DLG2: variants seen among roughly 807,000 people sequenced by gnomAD.
DLG2 encodes the protein discs large MAGUK scaffold protein 2.
DLG2 carries 45 observed loss-of-function variants against 132.5 expected under a neutral mutation model. The ratio of observed to expected loss-of-function variants is 0.34; its 90% CI spans 0.27 to 0.44. DLG2 has a LOEUF of 0.44. DLG2 is among the 20% of genes least tolerant of loss of function. The pLI is 1.00. For missense variants in DLG2, 1,045 were observed against 1,196.9 expected, an observed-to-expected ratio of 0.87 and a Z score of 1.87; for synonymous variants, 424 against 419.6, an observed-to-expected ratio of 1.01 and a Z score of -0.13.
At chr11:83,618,380 G>A (rs1419114368) in intron 19 of DLG2, among the ~76,000 whole-genome samples, 1 of 152,104 alleles carries the variant, frequency 6.6e-6, no homozygotes, top group African/African-American at 2.4e-5. Flanking sequence ...CAATGACCTT[G>A]TTATGTTTTG....
At chr11:83,706,422 T>C (rs889034559) in intron 18 of DLG2, among the ~76,000 whole-genome samples, 3 of 152,044 alleles carry the variant, frequency 2.0e-5, no homozygotes, top group South Asian at 4.2e-4. Flanking sequence ...GCAAAGATAT[T>C]ATAGGGGGAA....
At chr11:83,986,606 C>T (rs1381901748) in intron 11 of DLG2, among the ~76,000 whole-genome samples, 1 of 151,630 alleles carries the variant, frequency 6.6e-6, no homozygotes, top group Non-Finnish European at 1.5e-5. Context: ...AATGGTATTT[C>T]TAGTTCTAGA....
chr11:84,365,450 T>A (rs192812891), intron 7 of DLG2, among the ~76,000 whole-genome samples: 1,956 of 152,252 alleles, frequency 0.013, 16 homozygotes, highest in Non-Finnish European at 0.018. Flanking sequence ...TGTTGATCTT[T>A]TCAAAAAACC....
chr11:84,840,791 T>C (rs4303363), intron 6 of DLG2, among the ~76,000 whole-genome samples: 3 of 151,872 alleles, frequency 2.0e-5, no homozygotes, highest in African/African-American at 7.3e-5. Flanking sequence ...AATTGAACAA[T>C]GAGAACACTT....
intron 11 of DLG2, among the ~76,000 whole-genome samples, chr11:84,041,019 G>C (rs1442236372): frequency 1.3e-5 from 2 of 151,578 alleles, no homozygotes; most frequent in East Asian, 3.9e-4. Context: ...TTGGCTCTCT[G>C]TTTGTCTGTT....
intron 8 of DLG2, among the ~76,000 whole-genome samples, chr11:84,181,796 T>C (rs985109586): frequency 4.6e-5 from 7 of 152,170 alleles, no homozygotes; most frequent in African/African-American, 1.2e-4. Flanking sequence ...AGGCATTACA[T>C]AATAATAAAG....
intron 6 of DLG2, among the ~76,000 whole-genome samples, chr11:84,863,719 TAATAA>T (rs1183275223): frequency 6.6e-6 from 1 of 152,078 alleles, no homozygotes; most frequent in African/African-American, 2.4e-5. Flanking sequence ...TAAATACAGT[TAATAA>T]AATAAAAGAA....
In DLG2 at chr11:83,876,430, A is replaced by G. The variant is rs188395451; in HGVS notation, c.1497-1942T>C. 2.0e-3 allele frequency among the ~76,000 whole-genome samples: 300 copies of G among 152,232 alleles called. 1 individual carries two copies. Among genetic ancestry groups the G allele is most frequent in the Non-Finnish European group, 2.9e-3 (195 of 67,992 alleles). On this transcript the variant is annotated intron_variant, in intron 15 of 27. Coordinates refer to ENST00000376104, the MANE Select transcript of DLG2 (RefSeq NM_001142699.3). ...AGTGATAAATATCAAATTAAAATAT[A>G]TTTTCTATTACAAAAATATCATAAA...
At chr11:85,535,177 T>C (rs1049838597) in intron 3 of DLG2, among the ~76,000 whole-genome samples, 1 of 152,110 alleles carries the variant, frequency 6.6e-6, no homozygotes, top group East Asian at 1.9e-4. Flanking sequence ...TATAGGGAGA[T>C]TTGTAGACCA....
At chr11:85,425,963 T>C (rs2090690046) in intron 3 of DLG2, among the ~76,000 whole-genome samples, 1 of 152,240 alleles carries the variant, frequency 6.6e-6, no homozygotes, top group Non-Finnish European at 1.5e-5. Context: ...TCCAACGGTC[T>C]TAGCAAACAG....
chr11:83,780,946 G>A lies in DLG2; in HGVS notation c.1825+5744C>T, dbSNP rs191638344. Among the ~76,000 whole-genome samples, 8 of 152,150 alleles carry A rather than the reference G, an allele frequency of 5.3e-5. No individual in the cohort carries two copies. In the East Asian group the frequency reaches 1.4e-3, roughly 26 times the overall value. ...GGGTCTCCAAGTATGTTAGGGCAAC[G>A]CCTCACAAACTCTAATGTGCATACA... On this transcript the variant is annotated intron_variant, in intron 18 of 27. Transcript: ENST00000376104.
rs537654513 is a variant in DLG2 at position 84,446,628 on chromosome 11, CT to C, written c.519+87941del. Among the ~76,000 whole-genome samples the C allele has an allele frequency of 8.5e-3, 1,274 of 150,336 alleles. 8 individuals are homozygous for C. The highest frequency in any genetic ancestry group is 0.013 in the Non-Finnish European group (905 of 67,516). On this transcript the variant is annotated intron_variant, in intron 7 of 27. Transcript: ENST00000376104. Reference sequence around the variant, plus strand: ...AAATAGGGTTGGGTTTAAATTTACTCTTTTTTTTTCTTTTTCCACTCCTAAT... The same window carrying C: ...AAATAGGGTTGGGTTTAAATTTACTCTTTTTTTTCTTTTTCCACTCCTAAT...
At chr11:84,043,634 G>A (rs1266810805) in intron 11 of DLG2, among the ~76,000 whole-genome samples, 1 of 151,710 alleles carries the variant, frequency 6.6e-6, no homozygotes, top group Non-Finnish European at 1.5e-5. Flanking sequence ...TGGGCCACTA[G>A]CTCATTTTCT....
chr11:84,765,816 A>G (rs1420643156), intron 6 of DLG2, among the ~76,000 whole-genome samples: 1 of 151,978 alleles, frequency 6.6e-6, no homozygotes, highest in African/African-American at 2.4e-5. Context: ...AGCAATCAAA[A>G]TTATTTATCT....
chr11:84,438,433 G>T (rs557317161), intron 7 of DLG2, among the ~76,000 whole-genome samples: 3 of 151,674 alleles, frequency 2.0e-5, no homozygotes, highest in African/African-American at 7.3e-5. Flanking sequence ...CAAATCGAGT[G>T]TTAAACTAAA....
chr11:84,321,227 A>G (rs772607807), intron 7 of DLG2, among the ~76,000 whole-genome samples: 4 of 152,148 alleles, frequency 2.6e-5, no homozygotes, highest in African/African-American at 9.7e-5. Flanking sequence ...AATCACCATG[A>G]TGACCACTGT....
chr11:84,677,406 G>A (rs2099715689), intron 6 of DLG2, among the ~76,000 whole-genome samples: 1 of 151,928 alleles, frequency 6.6e-6, no homozygotes, highest in South Asian at 2.1e-4. Context: ...AATCAGTGAA[G>A]ACATCATTAT....
intron 6 of DLG2, chr11:85,021,472 C>A: frequency 7.0e-7 from 1 of 1,433,862 alleles, no homozygotes; most frequent in East Asian, 2.3e-5. Flanking sequence ...CCGGGCATTT[C>A]TCTCATTAAC....
At chr11:83,527,789 T>C (rs956843888) in intron 21 of DLG2, among the ~76,000 whole-genome samples, 1 of 152,160 alleles carries the variant, frequency 6.6e-6, no homozygotes, top group Non-Finnish European at 1.5e-5. Context: ...CTCTTACATA[T>C]ATTTCCCTTT....
Sources: gnomAD v4.1 joint callset for allele counts (sites outside exome capture counted in the v4.1 genomes callset) on GRCh38, gnomAD v4.1.1 for gene constraint, MANE v1.5 for transcripts, NCBI Gene and HGNC (gene_info 2026-07-23, HGNC 2026-07-21) for gene names.